STAC: variants seen among roughly 807,000 people sequenced by gnomAD.
The protein encoded by STAC is SH3 and cysteine rich domain, also known as SH3 and cysteine-rich domain-containing protein.
STAC carries 43 observed loss-of-function variants against 48.8 expected under a neutral mutation model. The observed-to-expected ratio is 0.88, with a 90% confidence interval of 0.69 to 1.14. STAC has a LOEUF of 1.14. Among genes scored for constraint, STAC ranks in the 50% most tolerant of loss-of-function variants. The pLI, the probability that STAC is intolerant of heterozygous loss-of-function variation, is 0.00. For missense variants in STAC, 497 were observed against 504.0 expected, an observed-to-expected ratio of 0.99 and a Z score of 0.13; for synonymous variants, 193 against 179.5, an observed-to-expected ratio of 1.07 and a Z score of -0.60.
chr3:36,524,501 A>G (rs1196806234), intron 8 of STAC, among the ~76,000 whole-genome samples: 2 of 152,142 alleles, frequency 1.3e-5, no homozygotes, highest in Non-Finnish European at 1.5e-5. Flanking sequence ...CTGAGGCAGG[A>G]GAATCGCTTG....
chr3:36,520,100 C>A (rs1361055423), intron 8 of STAC, among the ~76,000 whole-genome samples: 1 of 152,134 alleles, frequency 6.6e-6, no homozygotes, highest in Non-Finnish European at 1.5e-5. Context: ...ATTTCAAAGT[C>A]TTTCATAATT....
chr3:36,545,660 A>T (rs1040281276), intron 10 of STAC, among the ~76,000 whole-genome samples: 1 of 152,226 alleles, frequency 6.6e-6, no homozygotes, highest in Non-Finnish European at 1.5e-5. Context: ...AAAGTCTAGC[A>T]TAGGTGGCCT....
At chr3:36,414,925 A>G (rs1433337885) in intron 1 of STAC, among the ~76,000 whole-genome samples, 1 of 152,162 alleles carries the variant, frequency 6.6e-6, no homozygotes, top group Non-Finnish European at 1.5e-5. Context: ...GGAGTTTGCT[A>G]GAGGTCCACT....
intron 1 of STAC, among the ~76,000 whole-genome samples, chr3:36,440,886 A>G (rs1318045184): frequency 6.6e-6 from 1 of 152,182 alleles, no homozygotes; most frequent in Non-Finnish European, 1.5e-5. Context: ...ACACTTATGG[A>G]GACCCTTATT....
intron 8 of STAC, among the ~76,000 whole-genome samples, chr3:36,513,009 G>A (rs1575252984): frequency 6.6e-6 from 1 of 152,222 alleles, no homozygotes; most frequent in Middle Eastern, 3.4e-3. Context: ...ATCCAGGGGA[G>A]TACACTGGGT....
intron 1 of STAC, among the ~76,000 whole-genome samples, chr3:36,402,004 G>A (rs1700007375): frequency 6.6e-6 from 1 of 152,168 alleles, no homozygotes; most frequent in Admixed American, 6.5e-5. Context: ...GGTGGAGGCT[G>A]AGAAAAGTAA....
chr3:36,381,574 T>C (rs1221430828), intron 1 of STAC, among the ~76,000 whole-genome samples: 1 of 146,066 alleles, frequency 6.8e-6, no homozygotes, highest in Non-Finnish European at 1.5e-5. Context: ...CTCTTTATTC[T>C]GATTTCATTG....
At chr3:36,533,222 C>G (rs1699113542) in intron 10 of STAC, among the ~76,000 whole-genome samples, 3 of 152,160 alleles carry the variant, frequency 2.0e-5, no homozygotes, top group Admixed American at 6.6e-5. Context: ...TGTGGGCTCC[C>G]TATTGGGTCA....
chr3:36,510,420 G>A (rs1412505093), intron 8 of STAC, among the ~76,000 whole-genome samples: 1 of 152,124 alleles, frequency 6.6e-6, no homozygotes, highest in Non-Finnish European at 1.5e-5. Flanking sequence ...TCTAGAACCA[G>A]AACTACTACC....
intron 2 of STAC, among the ~76,000 whole-genome samples, chr3:36,465,890 TC>T (rs747677626): frequency 7.9e-5 from 12 of 152,100 alleles, no homozygotes; most frequent in Middle Eastern, 3.4e-3. Context: ...GGATCTACCT[TC>T]CCCCGCCCAC....
chr3:36,409,796 C>T (rs1362144557), intron 1 of STAC: 1 of 152,172 alleles, frequency 6.6e-6, no homozygotes, highest in Non-Finnish European at 1.5e-5. Flanking sequence ...TAGAGAAATC[C>T]GTCAGCCTTA....
intron 5 of STAC, 70 bp downstream of exon 5, chr3:36,486,319 T>C: frequency 7.5e-7 from 1 of 1,341,888 alleles, no homozygotes. Flanking sequence ...GGCACTGCAG[T>C]ATGGGGTATT....
chr3:36,501,747 G>A (rs1048568761), intron 6 of STAC, among the ~76,000 whole-genome samples: 1 of 152,126 alleles, frequency 6.6e-6, no homozygotes, highest in African/African-American at 2.4e-5. Context: ...GATTACATAA[G>A]CTCTTTCAGA....
intron 1 of STAC, among the ~76,000 whole-genome samples, chr3:36,414,318 G>A (rs985009549): frequency 1.3e-5 from 2 of 152,056 alleles, no homozygotes; most frequent in Non-Finnish European, 2.9e-5. Context: ...ACACCAATCA[G>A]ACGTAGATTT....
intron 10 of STAC, among the ~76,000 whole-genome samples, chr3:36,532,708 C>T (rs536789670): frequency 1.3e-5 from 2 of 152,296 alleles, no homozygotes; most frequent in East Asian, 3.9e-4. Flanking sequence ...TATATGCAAA[C>T]CCCACATGAC....
chr3:36,541,372 G>A (rs1229279210), intron 10 of STAC, among the ~76,000 whole-genome samples: 1 of 152,158 alleles, frequency 6.6e-6, no homozygotes, highest in Non-Finnish European at 1.5e-5. Flanking sequence ...TCTGCTTCGT[G>A]GGAAAACGAC....
At chr3:36,492,905 G>A (rs1698028533) in intron 5 of STAC, among the ~76,000 whole-genome samples, 1 of 152,160 alleles carries the variant, frequency 6.6e-6, no homozygotes, top group Non-Finnish European at 1.5e-5. Flanking sequence ...AGACATTCAT[G>A]AATATTCAAT....
chr3:36,535,880 C>A (rs1287392482), intron 10 of STAC, among the ~76,000 whole-genome samples: 1 of 152,072 alleles, frequency 6.6e-6, no homozygotes, highest in Non-Finnish European at 1.5e-5. Flanking sequence ...CAGTATTTTA[C>A]CAAGGATTTT....
chr3:36,522,664 GC>G (rs1260424707), intron 8 of STAC, among the ~76,000 whole-genome samples: 1 of 152,170 alleles, frequency 6.6e-6, no homozygotes, highest in African/African-American at 2.4e-5. Flanking sequence ...GAAAGCAAAG[GC>G]CCTAGGGCAT....
Sources: allele counts gnomAD v4.1 joint callset (sites outside exome capture counted in the v4.1 genomes callset), GRCh38; gene constraint gnomAD v4.1.1; transcripts MANE v1.5; gene names NCBI Gene and HGNC (gene_info 2026-07-23, HGNC 2026-07-21).